Variants in LYST observed in about 807,000 individuals in gnomAD.
LYST encodes the protein lysosomal-trafficking regulator.
In LYST, 192 loss-of-function variants were observed where a neutral mutation model predicts 413.6. The observed-to-expected ratio is 0.46, with a 90% CI of 0.41 to 0.52. The LOEUF is 0.52. Among genes scored for constraint, LYST ranks in the 20% least tolerant of loss-of-function variants. The pLI, the probability that LYST is intolerant of heterozygous loss-of-function variation, is 0.00. For missense variants in LYST, 3,815 were observed against 4,499.9 expected, an observed-to-expected ratio of 0.85 and a Z score of 4.35; for synonymous variants, 1,525 against 1,567.3, an observed-to-expected ratio of 0.97 and a Z score of 0.64.
intron 1 of LYST, among the ~76,000 whole-genome samples, chr1:235,874,406 C>A (rs1280990832): frequency 6.6e-6 from 1 of 152,152 alleles, no homozygotes; most frequent in African/African-American, 2.4e-5. Flanking sequence ...AAGGTTATGG[C>A]AACATTGTGC....
chr1:235,819,685 C>A (rs1183458852), intron 3 of LYST, among the ~76,000 whole-genome samples: 1 of 152,198 alleles, frequency 6.6e-6, no homozygotes, highest in Non-Finnish European at 1.5e-5. Flanking sequence ...CTCACTCTGC[C>A]ACCCAGCTGG....
At chr1:235,721,210 AAAG>A (rs1663340923) in intron 39 of LYST, among the ~76,000 whole-genome samples, 1 of 152,198 alleles carries the variant, frequency 6.6e-6, no homozygotes, top group Non-Finnish European at 1.5e-5. Flanking sequence ...AATAAGGAAA[AAAG>A]AAGAGTTTTC....
chr1:235,873,328 C>T (rs1681017548), intron 1 of LYST, among the ~76,000 whole-genome samples: 1 of 152,164 alleles, frequency 6.6e-6, no homozygotes, highest in Non-Finnish European at 1.5e-5. Context: ...TACTTGTGGG[C>T]AACAGTGTCA....
In LYST at chr1:235,664,181, C is replaced by G; in HGVS notation, c.11196-126G>C. On this transcript the variant is annotated intron_variant, in intron 51 of 52. Transcript: ENST00000389793. This position sits in a 1 kb window ranked among gnomAD's most constrained non-coding sequence, Gnocchi z 4.5. ...GTAACAAACAATTAACAGTAGTTCC[C>G]TCTAGGGAGTTTGCAGGGGGTAGAT... 1 of 833,958 alleles carries G rather than the reference C, an allele frequency of 1.2e-6. No individual in the cohort carries two copies. The highest frequency in any genetic ancestry group is 2.0e-6 in the Non-Finnish European group (1 of 492,954). The allele number at this position is 833,958 out of a possible 1,614,324, so 51.7% of individuals were successfully genotyped here. A position where few individuals can be genotyped will look rare whatever the true frequency, so the allele number is the denominator to read the frequency against.
chr1:235,760,265 G>A (rs1667458995), intron 22 of LYST, among the ~76,000 whole-genome samples: 1 of 152,070 alleles, frequency 6.6e-6, no homozygotes, highest in African/African-American at 2.4e-5. Context: ...TTGCAGGGTG[G>A]CTTTAAAGAT....
At chr1:235,691,978 G>A (rs950847006) in intron 47 of LYST, among the ~76,000 whole-genome samples, 14 of 151,078 alleles carry the variant, frequency 9.3e-5, no homozygotes, top group South Asian at 2.1e-4. Context: ...GATTACAGGC[G>A]TGAGCCACCA....
At chr1:235,763,740 G>A (rs1358845818) in intron 21 of LYST, among the ~76,000 whole-genome samples, 1 of 151,906 alleles carries the variant, frequency 6.6e-6, no homozygotes, top group Non-Finnish European at 1.5e-5. Context: ...ATTACAGCAT[G>A]AACCACCATG....
chr1:235,794,229 T>C (rs2103539267), intron 10 of LYST, among the ~76,000 whole-genome samples: 1 of 152,344 alleles, frequency 6.6e-6, no homozygotes, highest in Middle Eastern at 3.4e-3. Flanking sequence ...GTTAAGCTAA[T>C]GCTTCTATAT....
intron 12 of LYST, among the ~76,000 whole-genome samples, chr1:235,790,144 A>G (rs1021136222): frequency 1.3e-5 from 2 of 152,198 alleles, no homozygotes; most frequent in Non-Finnish European, 2.9e-5. Context: ...AAACTTTCCA[A>G]TATTTACTTT....
At chr1:235,711,725 T>C (rs1022546767) in intron 43 of LYST, among the ~76,000 whole-genome samples, 1 of 152,148 alleles carries the variant, frequency 6.6e-6, no homozygotes, top group African/African-American at 2.4e-5. Flanking sequence ...TTCAATAAAG[T>C]CATACCTCTT....
At chr1:235,667,589 C>A (rs2103015554) in intron 50 of LYST, among the ~76,000 whole-genome samples, 1 of 152,188 alleles carries the variant, frequency 6.6e-6, no homozygotes, top group East Asian at 1.9e-4. Flanking sequence ...CTGAGGATAT[C>A]AAAATCCATG....
At chr1:235,839,208 T>A (rs916301873) in intron 1 of LYST, among the ~76,000 whole-genome samples, 1 of 152,130 alleles carries the variant, frequency 6.6e-6, no homozygotes, top group African/African-American at 2.4e-5. Flanking sequence ...CAGGACTGTG[T>A]TCCTATTCTA....
chr1:235,792,173 T>A, intron 11 of LYST, 48 bp from the exon 12 acceptor site: 1 of 1,210,664 alleles, frequency 8.3e-7, no homozygotes, highest in Non-Finnish European at 1.2e-6. Context: ...CGTAATAAAG[T>A]ACATAATAAT....
intron 12 of LYST, among the ~76,000 whole-genome samples, chr1:235,790,128 A>C (rs549827850): frequency 2.6e-5 from 4 of 152,340 alleles, no homozygotes; most frequent in African/African-American, 7.2e-5. Context: ...AATAAAAATT[A>C]AGAAAAAACT....
chr1:235,723,470 A>G (rs545683487), intron 39 of LYST, among the ~76,000 whole-genome samples: 26 of 152,310 alleles, frequency 1.7e-4, no homozygotes, highest in African/African-American at 6.3e-4. Context: ...CTGGTAAGGT[A>G]TAAGAACTAA....
chr1:235,824,759 C>G (rs574640488), intron 3 of LYST, among the ~76,000 whole-genome samples: 1 of 152,168 alleles, frequency 6.6e-6, no homozygotes, highest in African/African-American at 2.4e-5. Context: ...CAGTGGCTCA[C>G]GCCTGTAATC....
intron 4 of LYST, among the ~76,000 whole-genome samples, chr1:235,810,853 C>T (rs1673381792): frequency 6.6e-6 from 1 of 152,128 alleles, no homozygotes; most frequent in African/African-American, 2.4e-5. Context: ...TTTAAAACAA[C>T]AAAAGAGAGG....
At chr1:235,758,864 T>C in intron 23 of LYST, 108 bp downstream of exon 23, 1 of 913,696 alleles carries the variant, frequency 1.1e-6, no homozygotes, top group Non-Finnish European at 1.7e-6. Flanking sequence ...TAAACTTTTC[T>C]GTTTGTTGTA....
At chr1:235,689,035 C>T (rs369738846) in intron 47 of LYST, among the ~76,000 whole-genome samples, 25 of 143,538 alleles carry the variant, frequency 1.7e-4, no homozygotes, top group African/African-American at 5.3e-4. Context: ...ATAACAACAA[C>T]AACAACAACA....
Sources: gnomAD v4.1 joint callset for allele counts (sites outside exome capture counted in the v4.1 genomes callset) on GRCh38, gnomAD v4.1.1 for gene constraint, Gnocchi (gnomAD v3.1) non-coding constraint, MANE v1.5 for transcripts, NCBI Gene and HGNC (gene_info 2026-07-23, HGNC 2026-07-21) for gene names.